The following FNDC4 variants were observed in gnomAD, a reference collection of about 807,000 sequenced individuals.
The protein encoded by FNDC4 is fibronectin type III domain containing 4.
In FNDC4, 11 loss-of-function variants were observed where a neutral mutation model predicts 25.1. The ratio of observed to expected loss-of-function variants is 0.44; its 90% CI spans 0.28 to 0.73. FNDC4 has a LOEUF of 0.73. Among genes scored for constraint, FNDC4 ranks in the 30% least tolerant of loss-of-function variants. The pLI is 0.16. For synonymous variants in FNDC4, 136 were observed against 118.8 expected, an observed-to-expected ratio of 1.14 and a Z score of -0.94; for missense variants, 250 against 304.3, an observed-to-expected ratio of 0.82 and a Z score of 1.33.
chr2:27,493,385 T>C lies in FNDC4; in HGVS notation c.544+4A>G, dbSNP rs749951430. On this transcript the variant is annotated splice_donor_region_variant and intron_variant, in intron 5 of 6. Transcript: ENST00000264703. ...CCTGGTCCCCTGTCTAGCTGCTTAC[T>C]CACCAGCCCACATGAGCAACACCAC... 2 of 1,612,706 alleles carry C rather than the reference T, an allele frequency of 1.2e-6. No individual in the cohort carries two copies. Among genetic ancestry groups the C allele is most frequent in the Non-Finnish European group, 1.7e-6 (2 of 1,178,790 alleles).
In FNDC4 at chr2:27,492,797, CA is replaced by C. The variant is rs1464096902; in HGVS notation, c.545-8del. ...CAGAACAGCCCAATTACAGCTGAAA[CA>C]CAATACAGTCTGAGCCTTCATCTCC... On this transcript the variant is annotated splice_polypyrimidine_tract_variant and splice_region_variant and intron_variant, in intron 5 of 6. Transcript: ENST00000264703. The surrounding 1 kb of genome is among the most constrained non-coding windows in gnomAD (Gnocchi z 4.1). 6.2e-7 allele frequency: 1 copy of C among 1,613,894 alleles called. No individual in the cohort carries two copies. The highest frequency in any genetic ancestry group is 8.5e-7 in the Non-Finnish European group (1 of 1,180,016).
Position 27,494,649 on chromosome 2 carries a change from T to G in FNDC4, c.31A>C (p.Ser11Arg). ...GAAGCCATGTCCCCACGGAGTCCGC[T>G]GGGGGGGGAACTGTGGCATCCGCTT... MPSGCHSSPPSGLRGDMASLV... is the reference protein window; with the variant it reads MPSGCHSSPPRGLRGDMASLV... The change falls in exon 2 of 7, where the codon AGC becomes CGC. Residue 11 changes from serine to arginine, a missense_variant. Ser to Arg is a moderately radical substitution (Grantham distance 110). Transcript: ENST00000264703. The surrounding 1 kb of genome is among the most constrained non-coding windows in gnomAD (Gnocchi z 4.6). 1.3e-6 allele frequency: 2 copies of G among 1,582,242 alleles called. No individual in the cohort carries two copies. The highest frequency in any genetic ancestry group is 1.4e-5 in the African/African-American group (1 of 73,278).
rs1320946039 is a variant in FNDC4 at position 27,492,833 on chromosome 2, C to G, written c.545-43G>C. The G allele has an allele frequency of 6.2e-7, 1 of 1,612,304 alleles. No individual in the cohort carries two copies. On this transcript the variant is annotated intron_variant, in intron 5 of 6. Coordinates refer to ENST00000264703, the MANE Select transcript of FNDC4 (RefSeq NM_022823.3). This position sits in a 1 kb window ranked among gnomAD's most constrained non-coding sequence, Gnocchi z 4.1. ...CTGAGCCTTCATCTCCACTTCCCCCCTCATAGGGAGATACCTACGTAGCTT... is the reference window on the plus strand; with the variant it reads ...CTGAGCCTTCATCTCCACTTCCCCCGTCATAGGGAGATACCTACGTAGCTT...
intron 4 of FNDC4, 82 bp from the exon 5 acceptor site, chr2:27,493,560 T>C: frequency 8.9e-7 from 1 of 1,119,144 alleles, no homozygotes; most frequent in Non-Finnish European, 1.4e-6. Flanking sequence ...TGCTGGGGAT[T>C]AGAAAGGGTG....
chr2:27,493,847 A>T, intron 4 of FNDC4, 83 bp downstream of exon 4: 1 of 1,228,658 alleles, frequency 8.1e-7, no homozygotes, highest in Non-Finnish European at 1.2e-6. Context: ...CAACTCAGCT[A>T]GTCTGTTGCT....
Position 27,494,861 on chromosome 2 carries a change from G to A in FNDC4, c.-25+17C>T. ...CCCGGGCGGCCCCAGAGTGCGGTCCGCCCTGCCCACACCCACCTCCGCCGG... is the reference window on the plus strand; with the variant it reads ...CCCGGGCGGCCCCAGAGTGCGGTCCACCCTGCCCACACCCACCTCCGCCGG... On this transcript the variant is annotated intron_variant, in intron 1 of 6. Coordinates refer to ENST00000264703, the MANE Select transcript of FNDC4 (RefSeq NM_022823.3). This position sits in a 1 kb window ranked among gnomAD's most constrained non-coding sequence, Gnocchi z 4.6. 1 of 556,582 alleles carries A rather than the reference G, an allele frequency of 1.8e-6. No homozygotes were observed. Among genetic ancestry groups the A allele is most frequent in the Non-Finnish European group, 3.2e-6 (1 of 317,032 alleles). The allele number at this position is 556,582 out of a possible 1,614,324, so 34.5% of individuals were successfully genotyped here. A position where few individuals can be genotyped will look rare whatever the true frequency, so the allele number is the denominator to read the frequency against.
At position 27,494,689 on chromosome 2, in the gene FNDC4, A is replaced by C; in HGVS notation, c.-10T>G. On this transcript the variant is annotated 5_prime_UTR_variant, in exon 2 of 7. The change abolishes an upstream ATG in the 5' untranslated region. Coordinates refer to ENST00000264703, the MANE Select transcript of FNDC4 (RefSeq NM_022823.3). The surrounding 1 kb of genome is among the most constrained non-coding windows in gnomAD (Gnocchi z 4.6). ...GGCATCCGCTTGGCATCCGCTTGAC[A>C]TCCAGGCGGGGCTCCTGGAGATGGC... The C allele has an allele frequency of 6.5e-7, 1 of 1,530,806 alleles. No individual in the cohort carries two copies. Among genetic ancestry groups the C allele is most frequent in the Non-Finnish European group, 8.8e-7 (1 of 1,141,152 alleles). 94.8% of individuals were successfully genotyped at this position (1,530,806 alleles called of 1,614,324 possible). A position where few individuals can be genotyped will look rare whatever the true frequency, so the allele number is the denominator to read the frequency against.
At chr2:27,493,606 G>GC in intron 4 of FNDC4, 128 bp from the exon 5 acceptor site, 2 of 834,430 alleles carry the variant, frequency 2.4e-6, no homozygotes, top group Non-Finnish European at 2.0e-6. Context: ...GTGTAGGGTA[G>GC]CCCCTCCCTG....
rs934413252 is a variant in FNDC4 at position 27,495,194 on chromosome 2, C to T, written c.-341G>A. ...ACCGTCCCGGAGAGCCAGCCGCCGC[C>T]TTCTGCAGCGCTGGCCCCGCTCGCT... On this transcript the variant is annotated 5_prime_UTR_variant, in exon 1 of 7. Coordinates refer to ENST00000264703, the MANE Select transcript of FNDC4 (RefSeq NM_022823.3). The T allele has an allele frequency of 6.6e-6, 1 of 151,774 alleles. No individual in the cohort carries two copies. Among genetic ancestry groups the T allele is most frequent in the African/African-American group, 2.4e-5 (1 of 41,364 alleles). 9.4% of individuals were successfully genotyped at this position (151,774 alleles called of 1,614,324 possible).
At position 27,494,582 on chromosome 2, in the gene FNDC4, A is replaced by T; in HGVS notation, c.98T>A (p.Leu33Gln). 1 of 1,612,996 alleles carries T rather than the reference A, an allele frequency of 6.2e-7. No homozygotes were observed. The highest frequency in any genetic ancestry group is 8.5e-7 in the Non-Finnish European group (1 of 1,179,540). The change falls in exon 2 of 7, where the codon CTG becomes CAG. Residue 33 changes from leucine to glutamine, a missense_variant. Coordinates refer to ENST00000264703, the MANE Select transcript of FNDC4 (RefSeq NM_022823.3). This position sits in a 1 kb window ranked among gnomAD's most constrained non-coding sequence, Gnocchi z 4.6. ...LSPYLSPTVL[L>Q]LVSCDLGFVR... Reference sequence around the variant, plus strand: ...GAAGCCCAGGTCACAGCTGACCAGCAGGAGGACCGTGGGGCTTAGATATGG... The same window carrying T: ...GAAGCCCAGGTCACAGCTGACCAGCTGGAGGACCGTGGGGCTTAGATATGG...
In FNDC4 at chr2:27,494,782, T is replaced by TCC; in HGVS notation, c.-24-81_-24-80dup. The TCC allele has an allele frequency of 1.5e-6, 1 of 647,698 alleles. No homozygotes were observed. The highest frequency in any genetic ancestry group is 2.6e-6 in the Non-Finnish European group (1 of 379,912). The allele number at this position is 647,698 out of a possible 1,614,324, so 40.1% of individuals were successfully genotyped here. On this transcript the variant is annotated intron_variant, in intron 1 of 6. Coordinates refer to ENST00000264703, the MANE Select transcript of FNDC4 (RefSeq NM_022823.3). The surrounding 1 kb of genome is among the most constrained non-coding windows in gnomAD (Gnocchi z 4.6). ...TCGGGGGGCAGCAGCTCTCCTGGGC[T>TCC]CCCCACAGCTCACAACAGCCCTATT...
chr2:27,493,711 T>C (rs1173761055), intron 4 of FNDC4, among the ~76,000 whole-genome samples: 2 of 152,138 alleles, frequency 1.3e-5, no homozygotes, highest in African/African-American at 2.4e-5. Flanking sequence ...TGATGTGAAG[T>C]TGGGTAACAG....
chr2:27,492,152 C>T lies in FNDC4; in HGVS notation c.*291G>A, dbSNP rs1669272835. ...AGTCCTGATACAGGTGAAATGGGGC[C>T]CCCATTTGGGACCTAATGGAGTAGG... On this transcript the variant is annotated 3_prime_UTR_variant, in exon 7 of 7. Transcript: ENST00000264703. The surrounding 1 kb of genome is among the most constrained non-coding windows in gnomAD (Gnocchi z 4.1). The T allele has an allele frequency of 2.1e-6, 1 of 467,918 alleles. No individual in the cohort carries two copies. The highest frequency in any genetic ancestry group is 3.8e-6 in the Non-Finnish European group (1 of 261,402). 29.0% of individuals were successfully genotyped at this position (467,918 alleles called of 1,614,324 possible).
Position 27,492,616 on chromosome 2 carries a change from C to G in FNDC4, c.669+50G>C. The G allele has an allele frequency of 6.2e-7, 1 of 1,612,222 alleles. No homozygotes were observed. The highest frequency in any genetic ancestry group is 8.5e-7 in the Non-Finnish European group (1 of 1,178,376). Reference sequence around the variant, plus strand: ...TTGACCTTCTTCCTTTCCCTGGCTGCCCCTCAGGGGCAGAATCACCCTTTC... The same window carrying G: ...TTGACCTTCTTCCTTTCCCTGGCTGGCCCTCAGGGGCAGAATCACCCTTTC... On this transcript the variant is annotated intron_variant, in intron 6 of 6. Coordinates refer to ENST00000264703, the MANE Select transcript of FNDC4 (RefSeq NM_022823.3). The surrounding 1 kb of genome is among the most constrained non-coding windows in gnomAD (Gnocchi z 4.1).
chr2:27,495,150 G>C lies in FNDC4; in HGVS notation c.-297C>G, dbSNP rs1669357504. 1 of 151,584 alleles carries C rather than the reference G, an allele frequency of 6.6e-6. No homozygotes were observed. The highest frequency in any genetic ancestry group is 2.1e-4 in the South Asian group (1 of 4,838). The allele number at this position is 151,584 out of a possible 1,614,324, so 9.4% of individuals were successfully genotyped here. A position where few individuals can be genotyped will look rare whatever the true frequency, so the allele number is the denominator to read the frequency against. On this transcript the variant is annotated 5_prime_UTR_variant, in exon 1 of 7. Coordinates refer to ENST00000264703, the MANE Select transcript of FNDC4 (RefSeq NM_022823.3). ...GGAGGCAGTGCGGCGGCCTCCGCCC[G>C]CCCCTGCAGCGGGATGTGACCGTCC...
chr2:27,494,324 T>A lies in FNDC4; in HGVS notation c.249+27A>T, dbSNP rs373518375. On this transcript the variant is annotated intron_variant, in intron 3 of 6. Coordinates refer to ENST00000264703, the MANE Select transcript of FNDC4 (RefSeq NM_022823.3). The surrounding 1 kb of genome is among the most constrained non-coding windows in gnomAD (Gnocchi z 4.6). The stretch of plus-strand genomic sequence containing the variant: ...ATGTGCCGAAATCCAAGGACACAGG[T>A]TGGGGGAGCAGAAGGGTGATTCATA... 11 of 1,563,746 alleles carry A rather than the reference T, an allele frequency of 7.0e-6. No individual in the cohort carries two copies. The South Asian group carries it at 1.1e-4, about 16-fold the overall frequency.
Position 27,494,282 on chromosome 2 carries a change from C to G in FNDC4, c.249+69G>C, listed in dbSNP as rs1035704831. 2 of 1,450,586 alleles carry G rather than the reference C, an allele frequency of 1.4e-6. No homozygotes were observed. The highest frequency in any genetic ancestry group is 2.3e-5 in the East Asian group (1 of 43,236). The allele number at this position is 1,450,586 out of a possible 1,614,324, so 89.9% of individuals were successfully genotyped here. On this transcript the variant is annotated intron_variant, in intron 3 of 6. Coordinates refer to ENST00000264703, the MANE Select transcript of FNDC4 (RefSeq NM_022823.3). The surrounding 1 kb of genome is among the most constrained non-coding windows in gnomAD (Gnocchi z 4.6). ...AGGATACGCCAGCTTCCAGATCCCCCCCACTTAAGTGAAGAAATGTGCCGA... is the reference window on the plus strand; with the variant it reads ...AGGATACGCCAGCTTCCAGATCCCCGCCACTTAAGTGAAGAAATGTGCCGA...
chr2:27,492,339 A>G lies in FNDC4; in HGVS notation c.*104T>C. 7.2e-7 allele frequency: 1 copy of G among 1,396,062 alleles called. No homozygotes were observed. The highest frequency in any genetic ancestry group is 1.0e-6 in the Non-Finnish European group (1 of 982,196). The allele number at this position is 1,396,062 out of a possible 1,614,324, so 86.5% of individuals were successfully genotyped here. On this transcript the variant is annotated 3_prime_UTR_variant, in exon 7 of 7. Transcript: ENST00000264703. The surrounding 1 kb of genome is among the most constrained non-coding windows in gnomAD (Gnocchi z 4.1). ...CCAGGCCTGAGATTGTGGGAGTGGC[A>G]TTACCCTCTGGGAGTCTCGGGCAGA...
Position 27,492,855 on chromosome 2 carries a change from G to C in FNDC4, c.545-65C>G. On this transcript the variant is annotated intron_variant, in intron 5 of 6. Coordinates refer to ENST00000264703, the MANE Select transcript of FNDC4 (RefSeq NM_022823.3). This position sits in a 1 kb window ranked among gnomAD's most constrained non-coding sequence, Gnocchi z 4.1. ...CCCCTCATAGGGAGATACCTACGTA[G>C]CTTCTAGAAAATCCATGAAGAACAT... The C allele has an allele frequency of 6.3e-7, 1 of 1,594,884 alleles. No homozygotes were observed. The highest frequency in any genetic ancestry group is 8.6e-7 in the Non-Finnish European group (1 of 1,166,704).
Sources: allele counts gnomAD v4.1 joint callset (sites outside exome capture counted in the v4.1 genomes callset), GRCh38; gene constraint gnomAD v4.1.1; non-coding constraint Gnocchi (gnomAD v3.1); transcripts MANE v1.5; gene names NCBI Gene and HGNC (gene_info 2026-07-23, HGNC 2026-07-21).